Variants in ZNF248 observed in about 807,000 individuals in gnomAD.
ZNF248 encodes KRAB protein domain.
Under a neutral mutation model 44.3 loss-of-function variants are expected in ZNF248, and 20 were observed. The observed-to-expected ratio is 0.45, with a 90% CI of 0.32 to 0.66. The LOEUF (loss-of-function observed/expected upper bound fraction) is 0.66. ZNF248 is among the 30% of genes least tolerant of loss of function. The pLI, the probability that ZNF248 is intolerant of heterozygous loss-of-function variation, is 0.04. For missense variants in ZNF248, 654 were observed against 677.0 expected, an observed-to-expected ratio of 0.97 and a Z score of 0.38; for synonymous variants, 224 against 229.0, an observed-to-expected ratio of 0.98 and a Z score of 0.20.
chr10:37,776,649 C>T (rs908328851), intron 6 of ZNF248: 2 of 394,752 alleles, frequency 5.1e-6, no homozygotes, highest in African/African-American at 4.1e-5. Context: ...CTTGTCTAAA[C>T]TCTGAAGGCA....
In ZNF248 at chr10:37,829,598, G is replaced by A. The variant is rs1187793941; in HGVS notation, c.*2017C>T. ...TTGAGGGTTATAAAAAGTCCCAGTAGAGAACAGGTATAGAGAGCAGAGTAG... is the reference window on the plus strand; with the variant it reads ...TTGAGGGTTATAAAAAGTCCCAGTAAAGAACAGGTATAGAGAGCAGAGTAG... On this transcript the variant is annotated 3_prime_UTR_variant, in exon 6 of 6. Transcript: ENST00000395867. 2 of 985,252 alleles carry A rather than the reference G, an allele frequency of 2.0e-6. No individual in the cohort carries two copies. The highest frequency in any genetic ancestry group is 2.4e-6 in the Non-Finnish European group (2 of 829,938). The allele number at this position is 985,252 out of a possible 1,614,324, so 61.0% of individuals were successfully genotyped here.
chr10:37,822,286 T>C (rs2053602475), intron 6 of ZNF248, among the ~76,000 whole-genome samples: 1 of 152,110 alleles, frequency 6.6e-6, no homozygotes, highest in Non-Finnish European at 1.5e-5. Context: ...ATTTCACTTG[T>C]GAACACAGAA....
At chr10:37,834,282 G>A (rs1351877247) in intron 5 of ZNF248, among the ~76,000 whole-genome samples, 1 of 152,046 alleles carries the variant, frequency 6.6e-6, no homozygotes, top group Non-Finnish European at 1.5e-5. Flanking sequence ...TAAATCCCTT[G>A]CTCAATGCTA....
the ZNF248 span, among the ~76,000 whole-genome samples, chr10:37,768,289 A>G: frequency 0.098 from 14,940 of 152,250 alleles, 975 homozygotes; most frequent in Admixed American, 0.18. Flanking sequence ...ATAGACATCT[A>G]CAGAAATCTC....
chr10:37,793,794 T>C (rs540781212), intron 6 of ZNF248, among the ~76,000 whole-genome samples: 1 of 152,352 alleles, frequency 6.6e-6, no homozygotes, highest in East Asian at 1.9e-4. Flanking sequence ...TATATGCGTG[T>C]ACACATATAC....
chr10:37,796,648 A>G (rs1208708), intron 6 of ZNF248, among the ~76,000 whole-genome samples: 92,471 of 151,810 alleles, frequency 0.61, 30,472 homozygotes, highest in African/African-American at 0.87. Flanking sequence ...GTAATAAGCC[A>G]ATCCTAATCA....
Position 37,831,837 on chromosome 10 carries a change from G to A in ZNF248, c.1518C>T (p.Asn506=), listed in dbSNP as rs370332578. ...ECGKSFCVKS[N]LIVHQRTHTG... is the part of the protein sequence containing the mutation. Reference sequence around the variant, plus strand: ...TGTGAGTTCTTTGATGTACAATGAGGTTTGACTTCACACAGAAGGATTTTC... The same window carrying A: ...TGTGAGTTCTTTGATGTACAATGAGATTTGACTTCACACAGAAGGATTTTC... The change falls in exon 6 of 6, where the codon AAC becomes AAT. Residue 506 remains asparagine (N), a synonymous_variant. Transcript: ENST00000395867. 186 of 1,613,844 alleles carry A rather than the reference G, an allele frequency of 1.2e-4. No individual in the cohort carries two copies. The highest frequency in any genetic ancestry group is 3.3e-4 in the East Asian group (15 of 44,858).
intron 6 of ZNF248, among the ~76,000 whole-genome samples, chr10:37,778,946 C>G (rs2046947031): frequency 1.3e-5 from 2 of 152,172 alleles, no homozygotes; most frequent in African/African-American, 4.8e-5. Context: ...CACATACACT[C>G]TCCCAAGACT....
At position 37,832,615 on chromosome 10, in the gene ZNF248, C is replaced by T. The variant is rs2056090433; in HGVS notation, c.740G>A (p.Cys247Tyr). Residue 247 changes from cysteine to tyrosine, a missense_variant, in exon 6 of 6, where the codon TGT becomes TAT. Transcript: ENST00000395867. ...IGETVCKYNE[C>Y]GRTFIESLKL... is the part of the protein sequence containing the mutation. ...TAAACTTTCAATGAAGGTTCTTCCA[C>T]ATTCGTTATATTTACAGACTGTCTC... 6.2e-7 allele frequency: 1 copy of T among 1,613,338 alleles called. No individual in the cohort carries two copies. Among genetic ancestry groups the T allele is most frequent in the Admixed American group, 1.7e-5 (1 of 59,966 alleles).
chr10:37,773,203 C>A (rs1447822464), downstream of ZNF248, among the ~76,000 whole-genome samples: 1 of 152,094 alleles, frequency 6.6e-6, no homozygotes, highest in African/African-American at 2.4e-5. Flanking sequence ...TGGGATCACA[C>A]CACAGCACTC....
chr10:37,768,193 C>A, the ZNF248 span, among the ~76,000 whole-genome samples: 4 of 152,144 alleles, frequency 2.6e-5, no homozygotes, highest in Admixed American at 1.3e-4. Flanking sequence ...TTTAACACCC[C>A]ACTGACAACA....
At chr10:37,839,098 G>A (rs2057808422) in intron 3 of ZNF248, among the ~76,000 whole-genome samples, 1 of 152,202 alleles carries the variant, frequency 6.6e-6, no homozygotes, top group Non-Finnish European at 1.5e-5. Flanking sequence ...CTCAGTATGT[G>A]CATTGCTCCT....
intron 6 of ZNF248, among the ~76,000 whole-genome samples, chr10:37,781,616 TACCAGC>T (rs537570287): frequency 6.8e-4 from 104 of 152,120 alleles, no homozygotes; most frequent in African/African-American, 2.5e-3. Context: ...GACTTCAGTG[TACCAGC>T]ACCCAACAGA....
At chr10:37,828,477 A>G (rs572943290), downstream of ZNF248, among the ~76,000 whole-genome samples, 2 of 152,322 alleles carry the variant, frequency 1.3e-5, no homozygotes, top group Admixed American at 6.5e-5. Flanking sequence ...TCTCTGGTCT[A>G]CAGTGACCTC....
rs1333059094 is a variant in ZNF248, at chr10:37,801,499, A to T, written c.331-24924T>A. 2.0e-5 allele frequency among the ~76,000 whole-genome samples: 3 copies of T among 152,340 alleles called. No individual in the cohort carries two copies. In the East Asian group the frequency reaches 5.8e-4, roughly 29 times the overall value. On this transcript the variant is annotated intron_variant, in intron 6 of 6. Coordinates refer to the ZNF248 transcript ENST00000615949. ...TAAAGCCAAAGGCACTGTATAAATA[A>T]AATGCAAGAGAAAAACTTGGAGAGT...
At position 37,831,049 on chromosome 10, in the gene ZNF248, CAT is replaced by C; in HGVS notation, c.*564_*565del. The stretch of plus-strand genomic sequence containing the variant: ...AAATATATTTACATATACACACAAA[CAT>C]ATGTACATACACATATATAATTATG... On this transcript the variant is annotated 3_prime_UTR_variant, in exon 6 of 6. Transcript: ENST00000395867. 1 of 1,113,062 alleles carries C rather than the reference CAT, an allele frequency of 9.0e-7. No homozygotes were observed. Among genetic ancestry groups the C allele is most frequent in the Non-Finnish European group, 1.2e-6 (1 of 860,678 alleles). The allele number at this position is 1,113,062 out of a possible 1,614,324, so 68.9% of individuals were successfully genotyped here. A position where few individuals can be genotyped will look rare whatever the true frequency, so the allele number is the denominator to read the frequency against.
intron 6 of ZNF248, among the ~76,000 whole-genome samples, chr10:37,823,333 CAAAAAAAAAAAAAAAAA>C (rs60957023): frequency 1.7e-4 from 3 of 17,530 alleles, no homozygotes; most frequent in African/African-American, 2.3e-4. Context: ...ACTCCGTCTC[CAAAAAAAAAAAAAAAAA>C]AAAAAAAAAA....
chr10:37,817,853 G>C (rs1392258537), intron 6 of ZNF248, among the ~76,000 whole-genome samples: 1 of 152,046 alleles, frequency 6.6e-6, no homozygotes, highest in African/African-American at 2.4e-5. Context: ...TTTATTAAAA[G>C]AACAAGTCTA....
At chr10:37,796,985 G>C (rs1000549045) in intron 6 of ZNF248, among the ~76,000 whole-genome samples, 28 of 151,836 alleles carry the variant, frequency 1.8e-4, no homozygotes, top group African/African-American at 6.5e-4. Flanking sequence ...GCAAATGGAA[G>C]ATAAGAAAGG....
Sources: gnomAD v4.1 joint callset for allele counts (sites outside exome capture counted in the v4.1 genomes callset) on GRCh38, gnomAD v4.1.1 for gene constraint, MANE v1.5 for transcripts, NCBI Gene and HGNC (gene_info 2026-07-23, HGNC 2026-07-21) for gene names.